ZFP90: variants seen among roughly 807,000 people sequenced by gnomAD.
ZFP90 encodes ZFP90 zinc finger protein.
ZFP90 carries 38 observed loss-of-function variants against 60.8 expected under a neutral mutation model. The observed-to-expected ratio is 0.62, with a 90% CI of 0.48 to 0.82. The LOEUF (loss-of-function observed/expected upper bound fraction) is 0.82, where lower values mean the gene tolerates loss of function less well. Ranked by LOEUF, ZFP90 falls within the 40% of genes least tolerant of loss-of-function variation. The pLI is 0.00. For synonymous variants in ZFP90, 287 were observed against 264.8 expected, an observed-to-expected ratio of 1.08 and a Z score of -0.82; for missense variants, 711 against 759.1, an observed-to-expected ratio of 0.94 and a Z score of 0.74.
Position 68,539,474 on chromosome 16 carries a change from T to G in ZFP90, c.-41T>G. 2 of 402,398 alleles carry G rather than the reference T, an allele frequency of 5.0e-6. No homozygotes were observed. Among genetic ancestry groups the G allele is most frequent in the Non-Finnish European group, 8.8e-6 (2 of 226,148 alleles). The allele number at this position is 402,398 out of a possible 1,614,324, so 24.9% of individuals were successfully genotyped here. On this transcript the variant is annotated 5_prime_UTR_variant, in exon 1 of 5. Coordinates refer to ENST00000563169, the MANE Select transcript of ZFP90 (RefSeq NM_001305203.2). ...ATCCGGAGCCCCCCAGAGGCGGTGA[T>G]TCTGAGTGCGCGGGTCTGGGCGGGA...
At chr16:68,560,282 C>G (rs1234789251) in intron 4 of ZFP90, among the ~76,000 whole-genome samples, 2 of 152,102 alleles carry the variant, frequency 1.3e-5, no homozygotes, top group Non-Finnish European at 2.9e-5. Flanking sequence ...AACAGTTACT[C>G]CCCATTCCCC....
In ZFP90 at chr16:68,564,627, T is replaced by A; in HGVS notation, c.1840T>A (p.Cys614Ser). The A allele has an allele frequency of 6.2e-7, 1 of 1,614,002 alleles. No homozygotes were observed. Among genetic ancestry groups the A allele is most frequent in the Non-Finnish European group, 8.5e-7 (1 of 1,179,980 alleles). The change falls in exon 5 of 5, where the codon TGT becomes AGT. Residue 614 changes from cysteine to serine, a missense_variant. Transcript: ENST00000563169. ...TGEKPYSCKE[C>S]GKNFSRSSAL... ...AGAAAAACCCTATTCTTGTAAGGAA[T>A]GTGGGAAAAACTTCAGCCGAAGTTC...
At chr16:68,544,824 A>G in intron 2 of ZFP90, among the ~76,000 whole-genome samples, 1 of 141,232 alleles carries the variant, frequency 7.1e-6, no homozygotes, top group African/African-American at 2.6e-5. Context: ...GTGTAACGTT[A>G]GGTACCGCTC....
chr16:68,551,087 A>C (rs553767472), intron 2 of ZFP90, among the ~76,000 whole-genome samples: 2 of 152,264 alleles, frequency 1.3e-5, no homozygotes, highest in South Asian at 4.1e-4. Flanking sequence ...GAGATACCAC[A>C]CTGTATTGCC....
Position 68,563,417 on chromosome 16 carries a change from C to G in ZFP90, c.630C>G (p.Pro210=), listed in dbSNP as rs754322235. 2 of 1,613,214 alleles carry G rather than the reference C, an allele frequency of 1.2e-6. No individual in the cohort carries two copies. Among genetic ancestry groups the G allele is most frequent in the African/African-American group, 2.7e-5 (2 of 74,942 alleles). The change falls in exon 5 of 5, where the codon CCC becomes CCG. Residue 210 remains proline (P), a synonymous_variant. Transcript: ENST00000563169. ...ATAATATTCTTGCAAAAAAGAAACC[C>G]TATAAGTGTGATAAATGTAGAAAAG... The part of the protein sequence containing the change: ...NENNILAKKK[P]YKCDKCRKAF...
At chr16:68,575,938 A>G (rs2091592097) in exon 3 of ZFP90, 1 of 397,802 alleles carries the variant, frequency 2.5e-6, no homozygotes, top group Non-Finnish European at 4.4e-6. Flanking sequence ...AAGCCATGCA[A>G]ATACTGACAA....
At chr16:68,570,415 A>C (rs1245850935), downstream of ZFP90, among the ~76,000 whole-genome samples, 1 of 152,218 alleles carries the variant, frequency 6.6e-6, no homozygotes, top group Non-Finnish European at 1.5e-5. Context: ...AGTGCACCCC[A>C]AGTGAGCACT....
chr16:68,545,318 T>TA (rs1211297586), intron 2 of ZFP90, among the ~76,000 whole-genome samples: 1 of 152,094 alleles, frequency 6.6e-6, no homozygotes, highest in African/African-American at 2.4e-5. Flanking sequence ...AAACACGAGG[T>TA]AACATGATCA....
chr16:68,575,660 G>A (rs528980548), intron 2 of ZFP90: 1 of 391,500 alleles, frequency 2.6e-6, no homozygotes. Flanking sequence ...ATCAATCAGA[G>A]GAAAGCATGC....
chr16:68,550,910 G>A (rs1317854735), intron 2 of ZFP90, among the ~76,000 whole-genome samples: 1 of 152,204 alleles, frequency 6.6e-6, no homozygotes, highest in Non-Finnish European at 1.5e-5. Context: ...GGAGGTCCAG[G>A]TTTCCAGTCT....
Position 68,563,533 on chromosome 16 carries a change from C to T in ZFP90, c.746C>T (p.Pro249Leu). 1 of 1,614,166 alleles carries T rather than the reference C, an allele frequency of 6.2e-7. No individual in the cohort carries two copies. Among genetic ancestry groups the T allele is most frequent in the Non-Finnish European group, 8.5e-7 (1 of 1,180,034 alleles). ...AATGGAACAGATCAAGGAATTTATC[C>T]TGGAAAGAAACACCATGAATGTACC... ...FPNGTDQGIY[P>L]GKKHHECTDC... Residue 249 changes from proline to leucine, a missense_variant, in exon 5 of 5, where the codon CCT becomes CTT. Physicochemically the swap from Pro to Leu is moderately conservative, Grantham distance 98. Coordinates refer to ENST00000563169, the MANE Select transcript of ZFP90 (RefSeq NM_001305203.2).
chr16:68,565,859 T>TCGA lies in ZFP90; in HGVS notation c.*1162_*1163insGAC. The TCGA allele has an allele frequency of 1.0e-6, 1 of 984,558 alleles. No homozygotes were observed. Among genetic ancestry groups the TCGA allele is most frequent in the South Asian group, 4.7e-5 (1 of 21,270 alleles). The allele number at this position is 984,558 out of a possible 1,614,324, so 61.0% of individuals were successfully genotyped here. ...AATTAACTTGGCTAGGTATGGTGTCTCACACCTGTAATCCCAGCACTTTGG... is the reference window on the plus strand; with the variant it reads ...AATTAACTTGGCTAGGTATGGTGTCTCGACACACCTGTAATCCCAGCACTTTGG... On this transcript the variant is annotated 3_prime_UTR_variant, in exon 5 of 5. Transcript: ENST00000563169.
intron 2 of ZFP90, among the ~76,000 whole-genome samples, chr16:68,545,647 T>C (rs2091135812): frequency 1.3e-5 from 2 of 151,602 alleles, no homozygotes; most frequent in African/African-American, 4.8e-5. Flanking sequence ...ACCCCGTCTC[T>C]AATAAAAATA....
rs1305267541 is a variant in ZFP90, at chr16:68,567,014, T to G, written c.*2316T>G. 4 of 985,488 alleles carry G rather than the reference T, an allele frequency of 4.1e-6. No homozygotes were observed. The African/African-American group carries it at 7.0e-5, about 17-fold the overall frequency. The allele number at this position is 985,488 out of a possible 1,614,324, so 61.0% of individuals were successfully genotyped here. ...TGTGTGGCTCATTGACCAGAAGGCT[T>G]TCTTAGTCCCAACAGCCATGAACCA... is the stretch of plus-strand genomic sequence containing the variant. On this transcript the variant is annotated 3_prime_UTR_variant, in exon 5 of 5. Transcript: ENST00000563169.
upstream of ZFP90, among the ~76,000 whole-genome samples, chr16:68,535,279 ACC>A (rs2090951904): frequency 6.6e-6 from 1 of 152,166 alleles, no homozygotes; most frequent in African/African-American, 2.4e-5. Context: ...CCACATAGGA[ACC>A]AGGTTTGGTT....
In ZFP90 at chr16:68,575,838, G is replaced by T. The variant is rs540108817; in HGVS notation, c.271G>T (p.Glu91Ter). 6.3e-5 allele frequency: 25 copies of T among 398,228 alleles called. No individual in the cohort carries two copies. Among genetic ancestry groups the T allele is most frequent in the Middle Eastern group, 6.2e-4 (1 of 1,608 alleles). 24.7% of individuals were successfully genotyped at this position (398,228 alleles called of 1,614,324 possible). A position where few individuals can be genotyped will look rare whatever the true frequency, so the allele number is the denominator to read the frequency against. Residue 91 changes from glutamate to a stop codon, truncating the protein, a stop_gained, in exon 3 of 3, where the codon GAA becomes TAA. Transcript: ENST00000573113. LOFTEE classifies it high-confidence loss of function. ...GTCGCTACCATCTGGGAGTAAGGGC[G>T]AAAGAAGACAGAAACTTCCAAGAAA... is the stretch of plus-strand genomic sequence containing the variant.
At chr16:68,534,154 A>G (rs979802208) in intron 2 of ZFP90, among the ~76,000 whole-genome samples, 2 of 150,080 alleles carry the variant, frequency 1.3e-5, no homozygotes, top group African/African-American at 4.9e-5. Context: ...CCTTCTATTC[A>G]CTAATTTTAT....
intron 2 of ZFP90, among the ~76,000 whole-genome samples, chr16:68,547,173 C>T (rs777358199): frequency 1.3e-5 from 2 of 152,100 alleles, no homozygotes; most frequent in African/African-American, 2.4e-5. Context: ...AATTTTTTTC[C>T]GGAACCACCA....
At chr16:68,568,787 T>C (rs2091552106), downstream of ZFP90, among the ~76,000 whole-genome samples, 1 of 152,150 alleles carries the variant, frequency 6.6e-6, no homozygotes, top group Non-Finnish European at 1.5e-5. Context: ...CAAGTGATTC[T>C]CATGTTTCAG....
Sources: allele counts gnomAD v4.1 joint callset (sites outside exome capture counted in the v4.1 genomes callset), GRCh38; gene constraint gnomAD v4.1.1; transcripts MANE v1.5; gene names NCBI Gene and HGNC (gene_info 2026-07-23, HGNC 2026-07-21).